The following TRMT11 variants were observed in gnomAD, a reference collection of about 807,000 sequenced individuals.
TRMT11 encodes tRNA (guanine(10)-N(2))-methyltransferase TRMT11.
TRMT11 carries 53 observed loss-of-function variants against 62.8 expected under a neutral mutation model. That is an observed-to-expected ratio of 0.84 (90% confidence interval 0.68 to 1.06). The LOEUF (loss-of-function observed/expected upper bound fraction) is 1.06, where lower values mean the gene tolerates loss of function less well. Ranked by LOEUF, TRMT11 falls within the 50% of genes least tolerant of loss-of-function variation. The pLI, the probability that TRMT11 is intolerant of heterozygous loss-of-function variation, is 0.00. For synonymous variants in TRMT11, 188 were observed against 190.3 expected, an observed-to-expected ratio of 0.99 and a Z score of 0.10; for missense variants, 556 against 553.4, an observed-to-expected ratio of 1.00 and a Z score of -0.05.
intron 17 of TRMT11, among the ~76,000 whole-genome samples, chr6:126,084,524 A>G (rs1023631105): frequency 5.3e-5 from 8 of 151,960 alleles, no homozygotes; most frequent in African/African-American, 1.9e-4. Context: ...CTACTGTTTC[A>G]TTTTGTTGGT....
At chr6:126,097,467 T>G (rs1777353889) in intron 17 of TRMT11, among the ~76,000 whole-genome samples, 2 of 152,186 alleles carry the variant, frequency 1.3e-5, no homozygotes, top group South Asian at 4.1e-4. Context: ...AAAGGGAGCA[T>G]TTTACATCAT....
intron 12 of TRMT11, among the ~76,000 whole-genome samples, chr6:126,037,172 G>A (rs1775344946): frequency 6.6e-6 from 1 of 151,918 alleles, no homozygotes; most frequent in East Asian, 1.9e-4. Context: ...TTGTAATTAA[G>A]GGTGCAGTCT....
At chr6:126,243,117 A>G in the TRMT11 span, among the ~76,000 whole-genome samples, 5 of 152,124 alleles carry the variant, frequency 3.3e-5, no homozygotes, top group African/African-American at 9.7e-5. Context: ...ATCAAAAACT[A>G]GGCGAAGGAT....
intron 12 of TRMT11, among the ~76,000 whole-genome samples, chr6:126,031,588 G>C (rs533914172): frequency 1.3e-5 from 2 of 152,278 alleles, no homozygotes; most frequent in South Asian, 2.1e-4. Context: ...ATTTAAGCAA[G>C]ATACAGAAGC....
In TRMT11 at chr6:125,998,135, G is replaced by A. The variant is rs780416726; in HGVS notation, c.294+1G>A. The A allele has an allele frequency of 5.6e-6, 9 of 1,612,742 alleles. No homozygotes were observed. In the African/African-American group the frequency reaches 8.0e-5, roughly 14 times the overall value. ...TAAAAACTACCCTGTGGAGAAGATG[G>A]TGCGTAGTAAAATGTGGTTTTATAT... On this transcript the variant is annotated splice_donor_variant, in intron 4 of 12. Coordinates refer to ENST00000334379, the MANE Select transcript of TRMT11 (RefSeq NM_001031712.3). LOFTEE classifies it high-confidence loss of function.
At chr6:125,997,689 T>G (rs1791757291) in intron 3 of TRMT11, among the ~76,000 whole-genome samples, 1 of 152,130 alleles carries the variant, frequency 6.6e-6, no homozygotes, top group Non-Finnish European at 1.5e-5. Flanking sequence ...TTGCCTTTTT[T>G]GTAGAGACAA....
intron 12 of TRMT11, among the ~76,000 whole-genome samples, chr6:126,037,984 G>A (rs1775493249): frequency 6.6e-6 from 1 of 152,016 alleles, no homozygotes. Flanking sequence ...TGTCTAATTA[G>A]ATATTTTTCA....
chr6:126,155,652 G>A (rs772877332), intron 21 of TRMT11, among the ~76,000 whole-genome samples: 1 of 152,178 alleles, frequency 6.6e-6, no homozygotes, highest in African/African-American at 2.4e-5. Flanking sequence ...TATCTCAAAA[G>A]GGACAAACTG....
At chr6:126,073,884 A>G (rs1351210913) in intron 17 of TRMT11, among the ~76,000 whole-genome samples, 1 of 152,146 alleles carries the variant, frequency 6.6e-6, no homozygotes, top group African/African-American at 2.4e-5. Context: ...CAGTCATGGC[A>G]GAAGGGGAAG....
At chr6:126,201,102 G>T (rs1778730473) in intron 3 of TRMT11, among the ~76,000 whole-genome samples, 1 of 152,126 alleles carries the variant, frequency 6.6e-6, no homozygotes, top group South Asian at 2.1e-4. Context: ...TGAAATCTTG[G>T]CATCTTTAAC....
At chr6:126,219,395 C>T in the TRMT11 span, among the ~76,000 whole-genome samples, 1 of 152,132 alleles carries the variant, frequency 6.6e-6, no homozygotes, top group African/African-American at 2.4e-5. Flanking sequence ...TTCCCTTGTA[C>T]CTGCAAGTTT....
intron 17 of TRMT11, among the ~76,000 whole-genome samples, chr6:126,112,378 G>A (rs1470721748): frequency 6.6e-6 from 1 of 152,062 alleles, no homozygotes; most frequent in Non-Finnish European, 1.5e-5. Flanking sequence ...TTGGATCTTT[G>A]GATCCATAAA....
the TRMT11 span, among the ~76,000 whole-genome samples, chr6:126,249,258 C>A: frequency 3.3e-5 from 5 of 152,068 alleles, no homozygotes; most frequent in East Asian, 9.6e-4. Flanking sequence ...GCTACGTGAC[C>A]TTAATGACAA....
the TRMT11 span, among the ~76,000 whole-genome samples, chr6:126,264,364 T>C: frequency 6.6e-6 from 1 of 152,340 alleles, no homozygotes; most frequent in South Asian, 2.1e-4. Context: ...AAACTGATAT[T>C]TGTTAATTGC....
chr6:126,094,002 C>A (rs1344457834), intron 17 of TRMT11, among the ~76,000 whole-genome samples: 3 of 152,036 alleles, frequency 2.0e-5, no homozygotes, highest in African/African-American at 7.2e-5. Context: ...GGAACCATGT[C>A]TTTCAGCTGA....
chr6:126,220,767 T>C, the TRMT11 span, among the ~76,000 whole-genome samples: 2 of 151,834 alleles, frequency 1.3e-5, no homozygotes, highest in East Asian at 1.9e-4. Flanking sequence ...TTTTTTTTTT[T>C]CCAACTTTTA....
chr6:126,068,426 T>A (rs2128136252), intron 17 of TRMT11, among the ~76,000 whole-genome samples: 1 of 152,274 alleles, frequency 6.6e-6, no homozygotes, highest in African/African-American at 2.4e-5. Context: ...GCCTTTCAGG[T>A]TTGTTTAGAT....
At chr6:126,142,623 C>T (rs1458839098) in intron 21 of TRMT11, among the ~76,000 whole-genome samples, 4 of 152,046 alleles carry the variant, frequency 2.6e-5, no homozygotes, top group Admixed American at 2.6e-4. Context: ...TTAGTAGACA[C>T]ATCAACATGA....
At chr6:126,251,559 A>G in the TRMT11 span, among the ~76,000 whole-genome samples, 1 of 152,116 alleles carries the variant, frequency 6.6e-6, no homozygotes, top group African/African-American at 2.4e-5. Context: ...TGTACAACAT[A>G]TCTCCTCAAC....
Sources: gnomAD v4.1 joint callset for allele counts (sites outside exome capture counted in the v4.1 genomes callset) on GRCh38, gnomAD v4.1.1 for gene constraint, MANE v1.5 for transcripts, NCBI Gene and HGNC (gene_info 2026-07-23, HGNC 2026-07-21) for gene names.